Variants in GRIK4 observed in about 807,000 individuals in gnomAD.
GRIK4 encodes glutamate receptor ionotropic, kainate 4.
GRIK4 carries 40 observed loss-of-function variants against 104.9 expected under a neutral mutation model. That is an observed-to-expected ratio of 0.38 (90% CI 0.30 to 0.50). The LOEUF is 0.50. Among genes scored for constraint, GRIK4 ranks in the 20% least tolerant of loss-of-function variants. The probability of loss-of-function intolerance (pLI) is 0.93; values close to 1 mark genes in which losing one functional copy is unlikely to be tolerated. For synonymous variants in GRIK4, 485 were observed against 524.9 expected (o/e 0.92, Z 1.04); for missense variants, 1,047 against 1,308.1 (o/e 0.80, Z 3.08).
rs1258663671 is a variant in GRIK4, at chr11:120,802,684, T to C, written c.83-9T>C. The C allele has an allele frequency of 1.2e-6, 2 of 1,612,346 alleles. No individual in the cohort carries two copies. Among genetic ancestry groups the C allele is most frequent in the Admixed American group, 1.7e-5 (1 of 60,018 alleles). On this transcript the variant is annotated splice_polypyrimidine_tract_variant and intron_variant, in intron 3 of 20. Transcript: ENST00000527524. ...TACCAATTGTCTCCATGTGGTTGCC[T>C]GCCCACAGCTGCTATCTTGGACGAC...
chr11:120,607,285 G>A (rs1591733765), intron 1 of GRIK4, among the ~76,000 whole-genome samples: 2 of 152,342 alleles, frequency 1.3e-5, no homozygotes, highest in East Asian at 1.9e-4. Flanking sequence ...GTATTGTAAC[G>A]GGTTTGGTTG....
At chr11:120,796,692 C>T (rs1175574467) in intron 3 of GRIK4, among the ~76,000 whole-genome samples, 2 of 152,048 alleles carry the variant, frequency 1.3e-5, no homozygotes, top group Non-Finnish European at 2.9e-5. Flanking sequence ...GCTCTGTCAC[C>T]TTGTTGGGGG....
At chr11:120,842,126 A>G (rs1953734043) in intron 8 of GRIK4, among the ~76,000 whole-genome samples, 1 of 152,220 alleles carries the variant, frequency 6.6e-6, no homozygotes, top group Non-Finnish European at 1.5e-5. Context: ...CTGGTAGGTA[A>G]TGCTAGCTGC....
At chr11:120,651,897 G>A (rs1370382900) in intron 1 of GRIK4, among the ~76,000 whole-genome samples, 1 of 152,158 alleles carries the variant, frequency 6.6e-6, no homozygotes. Context: ...ACATTATTAT[G>A]ATCATCATAA....
intron 13 of GRIK4, among the ~76,000 whole-genome samples, chr11:120,917,300 GAAAGA>G (rs1237065137): frequency 2.6e-5 from 3 of 117,314 alleles, no homozygotes; most frequent in African/African-American, 6.6e-5. Flanking sequence ...AAAGAAAAAA[GAAAGA>G]AAAGAAAAGA....
chr11:120,845,694 A>C (rs971679979), intron 8 of GRIK4, among the ~76,000 whole-genome samples: 2 of 152,076 alleles, frequency 1.3e-5, no homozygotes, highest in East Asian at 3.8e-4. Flanking sequence ...CAGAAGTTAC[A>C]ATCCATCAGC....
At chr11:120,592,033 C>A (rs1159870994) in intron 1 of GRIK4, among the ~76,000 whole-genome samples, 1 of 152,158 alleles carries the variant, frequency 6.6e-6, no homozygotes, top group Non-Finnish European at 1.5e-5. Flanking sequence ...CCCTAGAATG[C>A]AGGTGGACCT....
At chr11:120,760,386 TATATACATATATATAAACATAG>T (rs1565336808) in intron 3 of GRIK4, among the ~76,000 whole-genome samples, 1 of 147,462 alleles carries the variant, frequency 6.8e-6, no homozygotes, top group Non-Finnish European at 1.5e-5. Flanking sequence ...TATAAACATA[TATATACATATATATAAACATAG>T]ATATACATAT....
chr11:120,523,045 C>G (rs1386381581), intron 1 of GRIK4, among the ~76,000 whole-genome samples: 1 of 151,468 alleles, frequency 6.6e-6, no homozygotes, highest in African/African-American at 2.4e-5. Flanking sequence ...AGCCTGAGGA[C>G]TAGGAGAACT....
At chr11:120,827,824 G>T (rs147976378) in intron 6 of GRIK4, among the ~76,000 whole-genome samples, 78 of 152,264 alleles carry the variant, frequency 5.1e-4, no homozygotes, top group African/African-American at 1.9e-3. Flanking sequence ...CTCAAGAGGG[G>T]CTTTGGTCTT....
chr11:120,727,525 C>T (rs1446538043), intron 3 of GRIK4, among the ~76,000 whole-genome samples: 1 of 152,032 alleles, frequency 6.6e-6, no homozygotes, highest in East Asian at 1.9e-4. Flanking sequence ...TTGGATCCAA[C>T]TTTAATAAAA....
At chr11:120,963,992 T>G (rs1185150800) in intron 18 of GRIK4, among the ~76,000 whole-genome samples, 3 of 8,998 alleles carry the variant, frequency 3.3e-4, no homozygotes, top group African/African-American at 2.1e-3. Flanking sequence ...TATTTATTTA[T>G]TTATTTTTAT....
At chr11:120,926,751 GT>G (rs1453058350) in intron 13 of GRIK4, among the ~76,000 whole-genome samples, 2 of 152,162 alleles carry the variant, frequency 1.3e-5, no homozygotes, top group African/African-American at 4.8e-5. Flanking sequence ...CACATGGCAG[GT>G]TCTGGACACT....
chr11:120,887,636 G>A (rs926891600), intron 11 of GRIK4, among the ~76,000 whole-genome samples: 15 of 152,174 alleles, frequency 9.9e-5, no homozygotes, highest in Middle Eastern at 3.2e-3. Flanking sequence ...GGCCACAAAC[G>A]GGAATTTATT....
rs1291367052 is a variant in GRIK4 at position 120,967,413 on chromosome 11, T to G, written c.2395+90T>G. On this transcript the variant is annotated intron_variant, in intron 19 of 20. Transcript: ENST00000527524. The surrounding 1 kb of genome is among the most constrained non-coding windows in gnomAD (Gnocchi z 4.2). ...CAAATTCCAGGTACACATAATGACT[T>G]GTAGGACCCATTGAGAACGGCCTTG... 2.2e-6 allele frequency: 3 copies of G among 1,393,250 alleles called. No homozygotes were observed. Among genetic ancestry groups the G allele is most frequent in the Non-Finnish European group, 2.9e-6 (3 of 1,023,940 alleles). 86.3% of individuals were successfully genotyped at this position (1,393,250 alleles called of 1,614,324 possible).
intron 3 of GRIK4, among the ~76,000 whole-genome samples, chr11:120,683,488 A>G (rs990647366): frequency 4.6e-5 from 7 of 152,182 alleles, no homozygotes; most frequent in Non-Finnish European, 1.0e-4. Context: ...AGGGAGTCAG[A>G]TGGACATAAG....
chr11:120,633,473 A>G (rs975415307), intron 1 of GRIK4, among the ~76,000 whole-genome samples: 1 of 152,196 alleles, frequency 6.6e-6, no homozygotes, highest in Non-Finnish European at 1.5e-5. Context: ...CCTGCTTTGA[A>G]AGCCTTTGAC....
chr11:120,567,263 G>A (rs1459165963), intron 1 of GRIK4, among the ~76,000 whole-genome samples: 2 of 152,124 alleles, frequency 1.3e-5, no homozygotes, highest in South Asian at 2.1e-4. Context: ...AGGCTCAAGC[G>A]ATCCTCCCAC....
At chr11:120,773,246 T>C (rs896555170) in intron 3 of GRIK4, among the ~76,000 whole-genome samples, 1 of 152,166 alleles carries the variant, frequency 6.6e-6, no homozygotes, top group African/African-American at 2.4e-5. Context: ...CTTGTACCCA[T>C]CAAATGTTCT....
Sources: gnomAD v4.1 joint callset for allele counts (sites outside exome capture counted in the v4.1 genomes callset) on GRCh38, gnomAD v4.1.1 for gene constraint, Gnocchi (gnomAD v3.1) non-coding constraint, MANE v1.5 for transcripts, NCBI Gene and HGNC (gene_info 2026-07-23, HGNC 2026-07-21) for gene names.